CEP112: variants seen among roughly 807,000 people sequenced by gnomAD.
CEP112 encodes the protein centrosomal protein 112.
A neutral mutation model predicts 153.0 loss-of-function variants in CEP112; 127 were observed. The ratio of observed to expected loss-of-function variants is 0.83; its 90% CI spans 0.72 to 0.96. The LOEUF is 0.96. CEP112 is among the 40% of genes least tolerant of loss of function. The probability of loss-of-function intolerance (pLI) is 0.00; values close to 1 mark genes in which losing one functional copy is unlikely to be tolerated. For missense variants in CEP112, 1,089 were observed against 1,101.2 expected (o/e 0.99, Z 0.16); for synonymous variants, 358 against 374.4 (o/e 0.96, Z 0.51).
At chr17:65,936,057 G>A (rs2061295444) in intron 18 of CEP112, among the ~76,000 whole-genome samples, 1 of 151,906 alleles carries the variant, frequency 6.6e-6, no homozygotes, top group Non-Finnish European at 1.5e-5. Context: ...GAAATGAAAG[G>A]GCAGACTTTA....
Position 66,160,007 on chromosome 17 carries a change from A to C in CEP112, c.470+15037T>G, listed in dbSNP as rs147682665. 4.2e-3 allele frequency among the ~76,000 whole-genome samples: 636 copies of C among 152,330 alleles called. 4 individuals carry two copies. Among genetic ancestry groups the C allele is most frequent in the African/African-American group, 0.014 (600 of 41,576 alleles). ...CTTCAGCAAAGTCTCAGGATACAAAAATCAGTGTGCAAAAATCACAAGCAT... is the reference window on the plus strand; with the variant it reads ...CTTCAGCAAAGTCTCAGGATACAAACATCAGTGTGCAAAAATCACAAGCAT... On this transcript the variant is annotated intron_variant, in intron 4 of 26. Transcript: ENST00000535342.
At chr17:65,744,036 T>A (rs1022056522) in intron 22 of CEP112, among the ~76,000 whole-genome samples, 4 of 152,180 alleles carry the variant, frequency 2.6e-5, no homozygotes, top group Non-Finnish European at 5.9e-5. Context: ...GTGTTGGGAT[T>A]ACAGGCGTGA....
At chr17:65,718,881 TGAAACCTTCAGA>T (rs2049705480) in intron 23 of CEP112, among the ~76,000 whole-genome samples, 1 of 152,116 alleles carries the variant, frequency 6.6e-6, no homozygotes, top group Admixed American at 6.5e-5. Context: ...TGTTTCCACG[TGAAACCTTCAGA>T]GAAACACTAT....
chr17:65,780,479 C>G (rs1343231543), intron 21 of CEP112, among the ~76,000 whole-genome samples: 1 of 152,014 alleles, frequency 6.6e-6, no homozygotes, highest in South Asian at 2.1e-4. Flanking sequence ...CAACTATTCT[C>G]TGATGTGCAG....
intron 12 of CEP112, among the ~76,000 whole-genome samples, chr17:66,038,472 T>C (rs2065838249): frequency 6.6e-6 from 1 of 152,184 alleles, no homozygotes. Context: ...ATATAAAGTA[T>C]CTTAAAAACA....
chr17:65,915,221 C>T lies in CEP112; in HGVS notation c.1980+12361G>A, dbSNP rs557672149. On this transcript the variant is annotated intron_variant, in intron 19 of 26. Coordinates refer to ENST00000535342, the MANE Select transcript of CEP112 (RefSeq NM_001199165.4). ...ACTCATGTATCAGTGTCTGTCACCACCATCCACCTGGTTGCTCAGTTGGGA... is the reference window on the plus strand; with the variant it reads ...ACTCATGTATCAGTGTCTGTCACCATCATCCACCTGGTTGCTCAGTTGGGA... Among the ~76,000 whole-genome samples, 3 of 152,300 alleles carry T rather than the reference C, an allele frequency of 2.0e-5. No individual in the cohort carries two copies. The East Asian group carries it at 5.8e-4, about 29-fold the overall frequency.
rs149954434 is a variant in CEP112 at position 66,147,965 on chromosome 17, A to G, written c.471-15202T>C. 3.7e-3 allele frequency among the ~76,000 whole-genome samples: 560 copies of G among 152,196 alleles called. 5 individuals are homozygous for G. Among genetic ancestry groups the G allele is most frequent in the African/African-American group, 0.013 (544 of 41,522 alleles). Reference sequence around the variant, plus strand: ...AGACCTCCAACTTCGTTTTTTTTCTAAATTTGTTTTAGCTACTCAATGTCC... The same window carrying G: ...AGACCTCCAACTTCGTTTTTTTTCTGAATTTGTTTTAGCTACTCAATGTCC... On this transcript the variant is annotated intron_variant, in intron 4 of 26. Coordinates refer to ENST00000535342, the MANE Select transcript of CEP112 (RefSeq NM_001199165.4).
intron 21 of CEP112, chr17:65,750,980 G>A (rs999821798): frequency 1.8e-5 from 7 of 398,410 alleles, no homozygotes; most frequent in Middle Eastern, 6.5e-4. Context: ...GGGAGAAAGA[G>A]AGACAGAAAT....
At chr17:66,183,084 G>T in intron 2 of CEP112, 110 bp downstream of exon 2, 1 of 712,764 alleles carries the variant, frequency 1.4e-6, no homozygotes, top group Non-Finnish European at 2.2e-6. Context: ...GGCAAAAATT[G>T]TTACTAGAGA....
chr17:65,743,887 G>A (rs551300546), intron 22 of CEP112, among the ~76,000 whole-genome samples: 4 of 151,850 alleles, frequency 2.6e-5, no homozygotes, highest in Admixed American at 1.3e-4. Flanking sequence ...TCAGCCTCCC[G>A]AGTAGCTGGG....
Position 66,030,039 on chromosome 17 carries a change from A to G in CEP112, c.1219-16T>C, listed in dbSNP as rs2065396933. On this transcript the variant is annotated splice_polypyrimidine_tract_variant and intron_variant, in intron 12 of 26. Coordinates refer to ENST00000535342, the MANE Select transcript of CEP112 (RefSeq NM_001199165.4). ...TCATGTGGTTCTAAAAGAACAGGTC[A>G]TGGTTAAGAAAGTCTCTGACTCAGT... 6.2e-7 allele frequency: 1 copy of G among 1,607,640 alleles called. No individual in the cohort carries two copies. Among genetic ancestry groups the G allele is most frequent in the Non-Finnish European group, 8.5e-7 (1 of 1,177,398 alleles).
intron 17 of CEP112, among the ~76,000 whole-genome samples, chr17:66,001,578 C>T (rs904553590): frequency 3.9e-5 from 6 of 152,062 alleles, no homozygotes; most frequent in Admixed American, 1.3e-4. Flanking sequence ...ATTGTAAAAA[C>T]AGAGTTTGAA....
At chr17:66,184,276 C>T (rs28835035) in intron 1 of CEP112, among the ~76,000 whole-genome samples, 8,823 of 151,896 alleles carry the variant, frequency 0.058, 270 homozygotes, top group East Asian at 0.072. Flanking sequence ...AAAAAGAAAG[C>T]TGACATATTG....
At chr17:65,836,947 T>G (rs1445698164) in intron 21 of CEP112, among the ~76,000 whole-genome samples, 8 of 151,914 alleles carry the variant, frequency 5.3e-5, no homozygotes, top group Non-Finnish European at 1.2e-4. Flanking sequence ...GGATTGCAGG[T>G]GCGCGCCGCC....
At position 66,022,718 on chromosome 17, in the gene CEP112, A is replaced by G. The variant is rs1424890113; in HGVS notation, c.1656+4783T>C. Among the ~76,000 whole-genome samples, 3 of 151,596 alleles carry G rather than the reference A, an allele frequency of 2.0e-5. No homozygotes were observed. The East Asian group carries it at 5.8e-4, about 29-fold the overall frequency. ...AACGAGACTCCGCCTCAAGAAAAAAAAAAAAAAAAAGAAATGCCAGATAAA... is the reference window on the plus strand; with the variant it reads ...AACGAGACTCCGCCTCAAGAAAAAAGAAAAAAAAAAGAAATGCCAGATAAA... On this transcript the variant is annotated intron_variant, in intron 16 of 26. Coordinates refer to ENST00000535342, the MANE Select transcript of CEP112 (RefSeq NM_001199165.4).
intron 23 of CEP112, among the ~76,000 whole-genome samples, chr17:65,698,047 C>T (rs1214863088): frequency 6.6e-6 from 1 of 151,704 alleles, no homozygotes; most frequent in Admixed American, 6.6e-5. Context: ...AGTTTTTTTT[C>T]ACATTCCCAG....
intron 21 of CEP112, among the ~76,000 whole-genome samples, chr17:65,844,169 T>C (rs1055198529): frequency 6.6e-6 from 1 of 152,220 alleles, no homozygotes; most frequent in African/African-American, 2.4e-5. Context: ...TTAAAACAAC[T>C]GTTTTTCACA....
intron 26 of CEP112, 163 bp downstream of exon 26, chr17:65,636,960 AG>A (rs142554648): frequency 1.6e-6 from 1 of 613,220 alleles, no homozygotes. Context: ...TGGGATGAGA[AG>A]GGGGGTGACT....
chr17:65,779,263 T>G (rs1432664841), intron 21 of CEP112, among the ~76,000 whole-genome samples: 2 of 152,194 alleles, frequency 1.3e-5, no homozygotes, highest in African/African-American at 4.8e-5. Context: ...AAGTTACTAT[T>G]AAGTAGTAGG....
Sources: gnomAD v4.1 joint callset for allele counts (sites outside exome capture counted in the v4.1 genomes callset) on GRCh38, gnomAD v4.1.1 for gene constraint, MANE v1.5 for transcripts, NCBI Gene and HGNC (gene_info 2026-07-23, HGNC 2026-07-21) for gene names.